The following DGKH variants were observed in gnomAD, a reference collection of about 807,000 sequenced individuals.
DGKH encodes the protein diacylglycerol kinase eta.
A neutral mutation model predicts 159.3 loss-of-function variants in DGKH; 90 were observed. The observed-to-expected ratio is 0.57, with a 90% CI of 0.48 to 0.67. The LOEUF (loss-of-function observed/expected upper bound fraction) is 0.67, where lower values mean the gene tolerates loss of function less well. DGKH is among the 30% of genes least tolerant of loss of function. The probability of loss-of-function intolerance (pLI) is 0.00; values close to 1 mark genes in which losing one functional copy is unlikely to be tolerated. For missense variants in DGKH, 1,181 were observed against 1,506.1 expected, an observed-to-expected ratio of 0.78 and a Z score of 3.57; for synonymous variants, 536 against 553.8, an observed-to-expected ratio of 0.97 and a Z score of 0.45.
At chr13:42,122,799 A>T (rs1753001188) in intron 1 of DGKH, among the ~76,000 whole-genome samples, 2 of 152,228 alleles carry the variant, frequency 1.3e-5, no homozygotes, top group Non-Finnish European at 2.9e-5. Context: ...ATTTTGAAAC[A>T]TGGATCAAGA....
intron 20 of DGKH, among the ~76,000 whole-genome samples, chr13:42,202,755 CAG>C (rs1185788881): frequency 1.3e-5 from 2 of 152,168 alleles, no homozygotes; most frequent in African/African-American, 4.8e-5. Flanking sequence ...AATAACGTCA[CAG>C]TATCATATTT....
intron 30 of DGKH, among the ~76,000 whole-genome samples, chr13:42,252,739 A>T (rs1290613607): frequency 6.6e-6 from 1 of 151,832 alleles, no homozygotes; most frequent in East Asian, 1.9e-4. Context: ...GGAAGGTCTC[A>T]TGCATCCTAC....
chr13:42,108,531 G>A (rs1247195252), intron 1 of DGKH, among the ~76,000 whole-genome samples: 1 of 152,142 alleles, frequency 6.6e-6, no homozygotes, highest in African/African-American at 2.4e-5. Flanking sequence ...TAGAATCTAG[G>A]TTTTCTGAAG....
At chr13:42,099,200 G>A (rs9532998) in intron 1 of DGKH, among the ~76,000 whole-genome samples, 2 of 152,012 alleles carry the variant, frequency 1.3e-5, no homozygotes, top group African/African-American at 4.8e-5. Context: ...ATTTCATCCT[G>A]TCCTGCTTGT....
At chr13:42,169,572 A>G (rs1173353056) in intron 11 of DGKH, among the ~76,000 whole-genome samples, 2 of 152,228 alleles carry the variant, frequency 1.3e-5, no homozygotes, top group African/African-American at 4.8e-5. Flanking sequence ...AAATATCATG[A>G]TCAACTTGAG....
At chr13:42,160,761 G>T (rs748942433) in intron 7 of DGKH, among the ~76,000 whole-genome samples, 1 of 152,166 alleles carries the variant, frequency 6.6e-6, no homozygotes, top group Non-Finnish European at 1.5e-5. Flanking sequence ...CTTGCACTGG[G>T]GCTGACTTAT....
At chr13:42,150,205 A>G (rs1955841165) in intron 3 of DGKH, among the ~76,000 whole-genome samples, 1 of 151,442 alleles carries the variant, frequency 6.6e-6, no homozygotes, top group South Asian at 2.1e-4. Context: ...CTTTCTTTCC[A>G]TATCTTAACC....
At chr13:42,221,816 T>C (rs191578710) in intron 29 of DGKH, among the ~76,000 whole-genome samples, 2 of 152,184 alleles carry the variant, frequency 1.3e-5, no homozygotes, top group African/African-American at 4.8e-5. Flanking sequence ...TTCTAACATA[T>C]GGAATGAGAA....
intron 3 of DGKH, among the ~76,000 whole-genome samples, chr13:42,154,184 T>A (rs954689927): frequency 6.6e-6 from 1 of 152,246 alleles, no homozygotes; most frequent in Admixed American, 6.5e-5. Flanking sequence ...TATAATCCAA[T>A]GTAATGTTTA....
intron 3 of DGKH, 79 bp from the exon 4 acceptor site, chr13:42,155,212 T>A (rs756005286): frequency 1.2e-4 from 129 of 1,036,776 alleles, no homozygotes; most frequent in Non-Finnish European, 1.6e-4. Context: ...GAAATGGAAT[T>A]ACCTCAGAAG....
At chr13:42,222,924 G>A (rs1958020612) in intron 29 of DGKH, among the ~76,000 whole-genome samples, 1 of 152,160 alleles carries the variant, frequency 6.6e-6, no homozygotes, top group East Asian at 1.9e-4. Flanking sequence ...CTAAGGCAAA[G>A]TTAGAAAAGA....
chr13:42,045,045 A>G (rs1246982983), upstream of DGKH, among the ~76,000 whole-genome samples: 1 of 152,228 alleles, frequency 6.6e-6, no homozygotes, highest in Non-Finnish European at 1.5e-5. Context: ...TAATCCCAAC[A>G]CTTTGGGAGG....
chr13:42,168,280 G>C lies in DGKH; in HGVS notation c.1119-160G>C, dbSNP rs556733995. Among the ~76,000 whole-genome samples, 3 of 152,054 alleles carry C rather than the reference G, an allele frequency of 2.0e-5. No homozygotes were observed. In the East Asian group the frequency reaches 5.8e-4, roughly 29 times the overall value. ...CTCCTTATGATTCAGAAGTTTTCTTGAGTTAAAATTACACTTCAGTGAATG... is the reference window on the plus strand; with the variant it reads ...CTCCTTATGATTCAGAAGTTTTCTTCAGTTAAAATTACACTTCAGTGAATG... On this transcript the variant is annotated intron_variant, in intron 9 of 29. Transcript: ENST00000337343.
At chr13:42,119,662 T>A (rs577942423) in intron 1 of DGKH, among the ~76,000 whole-genome samples, 1 of 152,354 alleles carries the variant, frequency 6.6e-6, no homozygotes, top group African/African-American at 2.4e-5. Flanking sequence ...AAAAAAATTA[T>A]TTACATTATG....
At chr13:42,172,864 G>A (rs777406868) in intron 11 of DGKH, among the ~76,000 whole-genome samples, 6 of 151,962 alleles carry the variant, frequency 3.9e-5, no homozygotes, top group Non-Finnish European at 5.9e-5. Context: ...TAGTAGAGAC[G>A]GGGTTTCACC....
At chr13:42,192,720 A>C (rs1354563160) in intron 16 of DGKH, among the ~76,000 whole-genome samples, 2 of 151,886 alleles carry the variant, frequency 1.3e-5, no homozygotes, top group Admixed American at 6.6e-5. Context: ...GTGGGATCAG[A>C]TCTTCTCTCA....
intron 3 of DGKH, among the ~76,000 whole-genome samples, chr13:42,133,530 CA>C (rs998155975): frequency 6.6e-6 from 1 of 151,444 alleles, no homozygotes; most frequent in African/African-American, 2.4e-5. Flanking sequence ...CCCTTCTCTA[CA>C]AAAAAAATCC....
At chr13:42,080,122 A>G (rs1343396964) in intron 1 of DGKH, among the ~76,000 whole-genome samples, 1 of 152,202 alleles carries the variant, frequency 6.6e-6, no homozygotes, top group Non-Finnish European at 1.5e-5. Flanking sequence ...TGTTTTCACT[A>G]TACCCAAATA....
At chr13:42,080,707 C>G (rs1024633813) in intron 1 of DGKH, among the ~76,000 whole-genome samples, 8 of 151,908 alleles carry the variant, frequency 5.3e-5, no homozygotes, top group Non-Finnish European at 8.8e-5. Flanking sequence ...TTTGCCTGTC[C>G]TACTTTTTTT....
Sources: allele counts gnomAD v4.1 joint callset (sites outside exome capture counted in the v4.1 genomes callset), GRCh38; gene constraint gnomAD v4.1.1; transcripts MANE v1.5; gene names NCBI Gene and HGNC (gene_info 2026-07-23, HGNC 2026-07-21).